The following ASCC3 variants were observed in gnomAD, a reference collection of about 807,000 sequenced individuals.
ASCC3 encodes activating signal cointegrator 1 complex subunit 3.
Under a neutral mutation model 256.3 loss-of-function variants are expected in ASCC3, and 158 were observed. The ratio of observed to expected loss-of-function variants is 0.62; its 90% CI spans 0.54 to 0.70. ASCC3 has a LOEUF of 0.70. Among genes scored for constraint, ASCC3 ranks in the 30% least tolerant of loss-of-function variants. The probability of loss-of-function intolerance (pLI) is 0.00; values close to 1 mark genes in which losing one functional copy is unlikely to be tolerated. For missense variants in ASCC3, 2,259 were observed against 2,626.0 expected (o/e 0.86, Z 3.05); for synonymous variants, 948 against 883.4 (o/e 1.07, Z -1.30).
intron 4 of ASCC3, among the ~76,000 whole-genome samples, chr6:100,811,877 T>G (rs1387961357): frequency 1.3e-5 from 2 of 152,124 alleles, no homozygotes; most frequent in South Asian, 4.1e-4. Context: ...CTAAAATCAT[T>G]CTTTCAAAGG....
intron 4 of ASCC3, among the ~76,000 whole-genome samples, chr6:100,832,448 T>A (rs1771666460): frequency 6.6e-6 from 1 of 152,068 alleles, no homozygotes; most frequent in Non-Finnish European, 1.5e-5. Flanking sequence ...AAAGAATTCT[T>A]AATGAAGTAC....
At chr6:100,716,110 A>C (rs375801498) in intron 12 of ASCC3, among the ~76,000 whole-genome samples, 6 of 151,848 alleles carry the variant, frequency 4.0e-5, no homozygotes, top group African/African-American at 1.4e-4. Context: ...TGAATTAAGA[A>C]AGGGTCTCTA....
intron 13 of ASCC3, among the ~76,000 whole-genome samples, chr6:100,691,479 A>G (rs1227012738): frequency 6.6e-6 from 1 of 152,010 alleles, no homozygotes; most frequent in Non-Finnish European, 1.5e-5. Context: ...ATATGCATTC[A>G]ATTAATCTGA....
intron 36 of ASCC3, 55 bp from the exon 37 acceptor site, chr6:100,540,442 C>T (rs1775400926): frequency 3.0e-5 from 41 of 1,387,712 alleles, no homozygotes; most frequent in Non-Finnish European, 4.1e-5. Flanking sequence ...AATTAATGTA[C>T]TTCTTAGCTT....
intron 30 of ASCC3, among the ~76,000 whole-genome samples, chr6:100,612,467 T>C (rs1342046096): frequency 2.0e-5 from 3 of 152,114 alleles, no homozygotes; most frequent in South Asian, 4.1e-4. Context: ...TTTCAAAGCA[T>C]GTCAGACTCA....
In ASCC3 at chr6:100,822,784, A is replaced by C. The variant is rs546975735; in HGVS notation, c.802-16904T>G. ...TGTCCTTTAAATCCTATCAACTCCC[A>C]AAAAATTTGTTAGTTCTGAAAATGA... On this transcript the variant is annotated intron_variant, in intron 4 of 41. Coordinates refer to ENST00000369162, the MANE Select transcript of ASCC3 (RefSeq NM_006828.4). Among the ~76,000 whole-genome samples, 11 of 152,276 alleles carry C rather than the reference A, an allele frequency of 7.2e-5. No homozygotes were observed. In the East Asian group the frequency reaches 1.7e-3, roughly 24 times the overall value.
intron 10 of ASCC3, among the ~76,000 whole-genome samples, chr6:100,726,032 G>C (rs1779609358): frequency 6.7e-6 from 1 of 149,186 alleles, no homozygotes; most frequent in Admixed American, 6.7e-5. Flanking sequence ...TTTTAAAGTA[G>C]CATATACTGA....
At chr6:100,601,780 A>G in intron 34 of ASCC3, 30 bp downstream of exon 34, 1 of 1,609,744 alleles carries the variant, frequency 6.2e-7, no homozygotes, top group Non-Finnish European at 8.5e-7. Context: ...GGGGCAAAAC[A>G]GAAAGGTATA....
intron 14 of ASCC3, among the ~76,000 whole-genome samples, chr6:100,667,984 A>T (rs919597496): frequency 2.0e-4 from 30 of 152,060 alleles, no homozygotes; most frequent in African/African-American, 7.2e-4. Flanking sequence ...AAAGAAAAAA[A>T]TCAAACAAAA....
intron 11 of ASCC3, among the ~76,000 whole-genome samples, chr6:100,723,205 A>AT (rs1277167401): frequency 2.6e-5 from 4 of 151,602 alleles, no homozygotes; most frequent in African/African-American, 7.2e-5. Context: ...CTTCCAGTTG[A>AT]TTATTTTTCT....
chr6:100,573,865 G>A (rs188696113), intron 36 of ASCC3, among the ~76,000 whole-genome samples: 20 of 152,150 alleles, frequency 1.3e-4, no homozygotes, highest in African/African-American at 4.1e-4. Flanking sequence ...TTGCGTTTGC[G>A]ATTTAAAAAT....
chr6:100,626,966 TA>T (rs1184775768), intron 29 of ASCC3, among the ~76,000 whole-genome samples: 1 of 152,144 alleles, frequency 6.6e-6, no homozygotes. Flanking sequence ...TCACAATCAA[TA>T]CTTTGCTTCT....
chr6:100,735,408 C>T (rs1194620233), intron 10 of ASCC3, among the ~76,000 whole-genome samples: 1 of 151,732 alleles, frequency 6.6e-6, no homozygotes, highest in Non-Finnish European at 1.5e-5. Flanking sequence ...AAAACAGCTT[C>T]GTACTTTAAT....
At chr6:100,779,689 T>C (rs1782358294) in intron 8 of ASCC3, among the ~76,000 whole-genome samples, 1 of 152,214 alleles carries the variant, frequency 6.6e-6, no homozygotes, top group African/African-American at 2.4e-5. Context: ...GACTTCAATT[T>C]AGGCCTTAGA....
chr6:100,630,722 G>T (rs1774498343), intron 26 of ASCC3, among the ~76,000 whole-genome samples: 2 of 151,732 alleles, frequency 1.3e-5, no homozygotes, highest in African/African-American at 4.8e-5. Flanking sequence ...GTTTTTCAAA[G>T]AACTTCTGCT....
At chr6:100,663,916 T>C (rs1017222688) in intron 14 of ASCC3, among the ~76,000 whole-genome samples, 2 of 152,224 alleles carry the variant, frequency 1.3e-5, no homozygotes, top group East Asian at 1.9e-4. Flanking sequence ...CTTGGAAATA[T>C]ACCCCATGGA....
intron 3 of ASCC3, among the ~76,000 whole-genome samples, chr6:100,863,174 T>A (rs947126296): frequency 6.6e-6 from 1 of 152,230 alleles, no homozygotes; most frequent in East Asian, 1.9e-4. Flanking sequence ...GAATTTGCAA[T>A]ATGATGAATT....
intron 34 of ASCC3, among the ~76,000 whole-genome samples, chr6:100,590,705 A>G (rs1398078243): frequency 2.0e-5 from 3 of 152,092 alleles, no homozygotes; most frequent in Admixed American, 6.6e-5. Flanking sequence ...CTAGGAAGGG[A>G]ATATTCATAG....
chr6:100,572,748 G>A (rs1225010672), intron 36 of ASCC3, among the ~76,000 whole-genome samples: 3 of 152,038 alleles, frequency 2.0e-5, no homozygotes. Context: ...TGTTGTTGTT[G>A]TTGTTTAAAG....
Sources: allele counts gnomAD v4.1 joint callset (sites outside exome capture counted in the v4.1 genomes callset), GRCh38; gene constraint gnomAD v4.1.1; transcripts MANE v1.5; gene names NCBI Gene and HGNC (gene_info 2026-07-23, HGNC 2026-07-21).